MICALL1: variants seen among roughly 807,000 people sequenced by gnomAD.
The protein encoded by MICALL1 is MICAL like 1.
A neutral mutation model predicts 83.7 loss-of-function variants in MICALL1; 61 were observed. That is an observed-to-expected ratio of 0.73 (90% CI 0.59 to 0.90). The LOEUF (loss-of-function observed/expected upper bound fraction) is 0.90. Ranked by LOEUF, MICALL1 falls within the 40% of genes least tolerant of loss-of-function variation. MICALL1 has a pLI of 0.00. For missense variants in MICALL1, 1,066 were observed against 1,152.0 expected (o/e 0.93, Z 1.08); for synonymous variants, 481 against 473.6 (o/e 1.02, Z -0.20).
In MICALL1 at chr22:37,932,571, A is replaced by C; in HGVS notation, c.2035A>C (p.Ile679Leu). 1 of 1,614,138 alleles carries C rather than the reference A, an allele frequency of 6.2e-7. No individual in the cohort carries two copies. Residue 679 changes from isoleucine to leucine, a missense_variant, in exon 11 of 16, where the codon ATC (isoleucine) becomes CTC (leucine). Coordinates refer to ENST00000215957, the MANE Select transcript of MICALL1 (RefSeq NM_033386.4). This position sits in a 1 kb window ranked among gnomAD's most constrained non-coding sequence, Gnocchi z 4.4. ...IKRKVQADQYIPEEDIHGEMD... is the reference protein window; with the variant it reads ...IKRKVQADQYLPEEDIHGEMD... ...TGGGCAGGTCCAGGCTGACCAGTAC[A>C]TCCCTGAGGAGGACATCCATGGAGA...
At position 37,922,095 on chromosome 22, in the gene MICALL1, T is replaced by G. The variant is rs548034739; in HGVS notation, c.693T>G (p.Pro231=). 5.4e-5 allele frequency: 87 copies of G among 1,613,360 alleles called. 3 individuals are homozygous for G. In the South Asian group the frequency reaches 9.3e-4, roughly 17 times the overall value. Reference sequence around the variant, plus strand: ...CGGGGACACGGTCGGGGACCAGGCCTGGGCCCTTCTCACAGCCAAAGCAGC... The same window carrying G: ...CGGGGACACGGTCGGGGACCAGGCCGGGGCCCTTCTCACAGCCAAAGCAGC... The part of the protein sequence containing the change: ...LGPGTRSGTR[P]GPFSQPKQQH... Residue 231 remains proline, a synonymous_variant, in exon 6 of 16, where the codon CCT becomes CCG. Coordinates refer to ENST00000215957, the MANE Select transcript of MICALL1 (RefSeq NM_033386.4).
rs555950761 is a variant in MICALL1 at position 37,927,573 on chromosome 22, A to C, written c.1628A>C (p.His543Pro). 6.8e-6 allele frequency: 11 copies of C among 1,613,496 alleles called. No individual in the cohort carries two copies. Among genetic ancestry groups the C allele is most frequent in the Middle Eastern group, 3.3e-4 (2 of 6,060 alleles). Reference protein sequence around the residue: ...VPKSSSEPAVHAPGTPGNPVS... With the variant: ...VPKSSSEPAVPAPGTPGNPVS... ...AAGAGCTCCTCAGAGCCTGCTGTCCATGCCCCTGGTACCCCTGGAAACCCT... is the reference window on the plus strand; with the variant it reads ...AAGAGCTCCTCAGAGCCTGCTGTCCCTGCCCCTGGTACCCCTGGAAACCCT... Residue 543 changes from histidine to proline, a missense_variant, in exon 9 of 16, where the codon CAT (histidine) becomes CCT (proline). Coordinates refer to ENST00000215957, the MANE Select transcript of MICALL1 (RefSeq NM_033386.4).
chr22:37,912,932 A>G lies in MICALL1; in HGVS notation c.337+440A>G, dbSNP rs184546127. Among the ~76,000 whole-genome samples, 1,194 of 146,950 alleles carry G rather than the reference A, an allele frequency of 8.1e-3. 6 individuals carry two copies. The highest frequency in any genetic ancestry group is 0.012 in the Non-Finnish European group (822 of 67,376). On this transcript the variant is annotated intron_variant, in intron 3 of 15. Transcript: ENST00000215957. Reference sequence around the variant, plus strand: ...CGCCTTGGCCTCCCCAAGTGCTGGGATTACAGGCGTGAGCCACTGTGCCCA... The same window carrying G: ...CGCCTTGGCCTCCCCAAGTGCTGGGGTTACAGGCGTGAGCCACTGTGCCCA...
Position 37,941,591 on chromosome 22 carries a change from G to A in MICALL1, c.*761G>A, listed in dbSNP as rs1930439491. 1 of 152,346 alleles carries A rather than the reference G, an allele frequency of 6.6e-6. No homozygotes were observed. The allele number at this position is 152,346 out of a possible 1,614,324, so 9.4% of individuals were successfully genotyped here. On this transcript the variant is annotated 3_prime_UTR_variant, in exon 16 of 16. Coordinates refer to ENST00000215957, the MANE Select transcript of MICALL1 (RefSeq NM_033386.4). The stretch of plus-strand genomic sequence containing the variant: ...CCCCAGGCTGCAGTTCTGGTCCCTG[G>A]TTGTCAGGTAGGAAGGGTGCACTTG...
intron 9 of MICALL1, among the ~76,000 whole-genome samples, chr22:37,929,988 G>A (rs1929700707): frequency 6.6e-6 from 1 of 152,210 alleles, no homozygotes; most frequent in African/African-American, 2.4e-5. Flanking sequence ...ATCCTCCTCT[G>A]GGCCTCGGGC....
chr22:37,939,173 G>A (rs1374973464), intron 15 of MICALL1, among the ~76,000 whole-genome samples: 6 of 152,296 alleles, frequency 3.9e-5, no homozygotes, highest in Non-Finnish European at 4.4e-5. Flanking sequence ...GCACTTATGA[G>A]CTGGGTGACT....
intron 5 of MICALL1, 26 bp downstream of exon 5, chr22:37,919,204 C>T: frequency 6.7e-7 from 1 of 1,494,980 alleles, no homozygotes; most frequent in Non-Finnish European, 9.0e-7. Flanking sequence ...CGCGTGTTAC[C>T]CCCGAAACCA....
intron 6 of MICALL1, among the ~76,000 whole-genome samples, chr22:37,923,698 G>T (rs1929240368): frequency 6.6e-6 from 1 of 152,186 alleles, no homozygotes; most frequent in Non-Finnish European, 1.5e-5. Context: ...TAGTTTCAGG[G>T]TGTGTAGTAA....
intron 9 of MICALL1, 59 bp from the exon 10 acceptor site, chr22:37,931,740 C>T: frequency 3.8e-6 from 6 of 1,598,284 alleles, no homozygotes; most frequent in Non-Finnish European, 5.1e-6. Context: ...TATGAGGCTG[C>T]TGGGGTCTCA....
At chr22:37,919,635 CAAAAAAAAAAAA>C (rs34083064) in intron 5 of MICALL1, among the ~76,000 whole-genome samples, 16 of 59,706 alleles carry the variant, frequency 2.7e-4, no homozygotes, top group Non-Finnish European at 4.7e-4. Flanking sequence ...GACTCTGTCT[CAAAAAAAAAAAA>C]AAAAAAAAGG....
At chr22:37,917,679 T>G in intron 3 of MICALL1, 28 bp from the exon 4 acceptor site, 1 of 1,610,352 alleles carries the variant, frequency 6.2e-7, no homozygotes, top group South Asian at 1.1e-5. Context: ...TCCACCTGCT[T>G]CAGGACCCCT....
At chr22:37,927,389 G>A (rs1033584327) in intron 8 of MICALL1, 22 bp from the exon 9 acceptor site, 72 of 1,546,060 alleles carry the variant, frequency 4.7e-5, no homozygotes, top group Non-Finnish European at 6.0e-5. Flanking sequence ...CTTGTGAGGT[G>A]TCCTGGTGCT....
chr22:37,909,702 T>C (rs1482532605), intron 1 of MICALL1, among the ~76,000 whole-genome samples: 1 of 152,092 alleles, frequency 6.6e-6, no homozygotes, highest in African/African-American at 2.4e-5. Context: ...CTGGAAAAAA[T>C]GTGCAGGGGA....
intron 1 of MICALL1, 100 bp from the exon 2 acceptor site, chr22:37,911,852 A>G (rs899627923): frequency 1.0e-4 from 118 of 1,176,956 alleles, no homozygotes; most frequent in Middle Eastern, 1.9e-4. Context: ...GCTGGCTGGG[A>G]CAAGGTCTTC....
At chr22:37,918,899 G>A in intron 4 of MICALL1, 137 bp from the exon 5 acceptor site, 1 of 1,110,800 alleles carries the variant, frequency 9.0e-7, no homozygotes, top group Non-Finnish European at 1.2e-6. Flanking sequence ...GGGCCCTGAT[G>A]AAGTCCATTT....
intron 3 of MICALL1, among the ~76,000 whole-genome samples, chr22:37,915,645 CTT>C (rs34900801): frequency 1.7e-4 from 22 of 133,062 alleles, no homozygotes; most frequent in African/African-American, 1.4e-4. Flanking sequence ...GATTAGTATT[CTT>C]TTTTTTTTTT....
Position 37,940,859 on chromosome 22 carries a change from C to A in MICALL1, c.*29C>A. On this transcript the variant is annotated 3_prime_UTR_variant, in exon 16 of 16. Transcript: ENST00000215957. Reference sequence around the variant, plus strand: ...CACGAGAAGCCAGTTGGGGACTGCCCCCTCCTGGAGCAGCTCCTGGGCTGT... The same window carrying A: ...CACGAGAAGCCAGTTGGGGACTGCCACCTCCTGGAGCAGCTCCTGGGCTGT... 1 of 1,612,142 alleles carries A rather than the reference C, an allele frequency of 6.2e-7. No homozygotes were observed. Among genetic ancestry groups the A allele is most frequent in the South Asian group, 1.1e-5 (1 of 90,954 alleles).
Position 37,925,687 on chromosome 22 carries a change from C to T in MICALL1, c.1109C>T (p.Pro370Leu). The change falls in exon 8 of 16, where the codon CCA becomes CTA. Residue 370 changes from proline (P) to leucine (L), a missense_variant. By Grantham distance (98) the Pro-to-Leu change is moderately conservative. Transcript: ENST00000215957. ...ACACCAGCCCCCAGGAAGGACCCCC[C>T]ATGGATCACGCTGGTGCAGGCAGAA... ...EGTPAPRKDP[P>L]WITLVQAEPK... The T allele has an allele frequency of 1.2e-6, 2 of 1,609,528 alleles. No homozygotes were observed. The highest frequency in any genetic ancestry group is 8.5e-7 in the Non-Finnish European group (1 of 1,178,808).
chr22:37,938,340 T>TGC (rs1407164546), intron 15 of MICALL1, among the ~76,000 whole-genome samples: 2 of 145,078 alleles, frequency 1.4e-5, no homozygotes, highest in Non-Finnish European at 3.0e-5. Flanking sequence ...AGGTGGAGCT[T>TGC]GCAGTGAGCC....
Sources: allele counts gnomAD v4.1 joint callset (sites outside exome capture counted in the v4.1 genomes callset), GRCh38; gene constraint gnomAD v4.1.1; non-coding constraint Gnocchi (gnomAD v3.1); transcripts MANE v1.5; gene names NCBI Gene and HGNC (gene_info 2026-07-23, HGNC 2026-07-21).